NOS1AP: variants seen among roughly 807,000 people sequenced by gnomAD.
NOS1AP encodes the protein nitric oxide synthase 1 adaptor protein.
In NOS1AP, 21 loss-of-function variants were observed where a neutral mutation model predicts 56.2. The observed-to-expected ratio is 0.37, with a 90% CI of 0.26 to 0.54. NOS1AP has a LOEUF of 0.54. Among genes scored for constraint, NOS1AP ranks in the 20% least tolerant of loss-of-function variants. The pLI is 0.84. For missense variants in NOS1AP, 522 were observed against 657.8 expected, an observed-to-expected ratio of 0.79 and a Z score of 2.26; for synonymous variants, 270 against 274.6, an observed-to-expected ratio of 0.98 and a Z score of 0.17.
chr1:162,317,613 G>A (rs529176184), intron 4 of NOS1AP: 2 of 152,246 alleles, frequency 1.3e-5, no homozygotes, highest in South Asian at 4.2e-4. Flanking sequence ...ATGTAGTATT[G>A]GCTAGGCCTC....
intron 1 of NOS1AP, among the ~76,000 whole-genome samples, chr1:162,141,663 T>A (rs1649239935): frequency 6.6e-6 from 1 of 152,248 alleles, no homozygotes; most frequent in Non-Finnish European, 1.5e-5. Context: ...GTGGCTTTTC[T>A]TGCTCTCTTT....
At chr1:162,166,470 G>A (rs1650503572) in intron 2 of NOS1AP, among the ~76,000 whole-genome samples, 1 of 152,200 alleles carries the variant, frequency 6.6e-6, no homozygotes, top group South Asian at 2.1e-4. Flanking sequence ...CATTGCGGCT[G>A]AAGCCTGTCT....
At chr1:162,129,636 G>A (rs1013194723) in intron 1 of NOS1AP, among the ~76,000 whole-genome samples, 22 of 152,164 alleles carry the variant, frequency 1.4e-4, no homozygotes, top group Admixed American at 9.8e-4. Context: ...AGCTCCTTGA[G>A]TTATTGATTC....
intron 1 of NOS1AP, among the ~76,000 whole-genome samples, chr1:162,130,322 C>T (rs16856782): frequency 0.24 from 36,357 of 152,156 alleles, 8,206 homozygotes; most frequent in African/African-American, 0.6. Context: ...CAGGTCTTTC[C>T]GACATTAGAG....
chr1:162,210,090 G>A (rs1390862205), intron 2 of NOS1AP, among the ~76,000 whole-genome samples: 1 of 152,190 alleles, frequency 6.6e-6, no homozygotes, highest in Non-Finnish European at 1.5e-5. Context: ...AGAAGGAAGA[G>A]AGATGGGCAT....
At chr1:162,366,091 T>C (rs1044610662) in intron 9 of NOS1AP, among the ~76,000 whole-genome samples, 1 of 152,218 alleles carries the variant, frequency 6.6e-6, no homozygotes, top group Non-Finnish European at 1.5e-5. Flanking sequence ...ACTGCTCTGC[T>C]GGGCAATAGC....
chr1:162,156,200 C>G (rs1218439258), intron 2 of NOS1AP, among the ~76,000 whole-genome samples: 2 of 152,146 alleles, frequency 1.3e-5, no homozygotes, highest in Non-Finnish European at 2.9e-5. Flanking sequence ...TTTTCATGGA[C>G]ACAGTAAGAA....
chr1:162,298,773 A>G (rs1655550656), intron 3 of NOS1AP, among the ~76,000 whole-genome samples: 1 of 152,266 alleles, frequency 6.6e-6, no homozygotes, highest in Non-Finnish European at 1.5e-5. Context: ...TGAGAGAGCC[A>G]TCACAACAAT....
At chr1:162,212,997 C>T (rs1039878908) in intron 2 of NOS1AP, among the ~76,000 whole-genome samples, 2 of 152,138 alleles carry the variant, frequency 1.3e-5, no homozygotes, top group African/African-American at 2.4e-5. Flanking sequence ...CCCAGGGTAA[C>T]CATTTCTGAC....
rs141668480 is a variant in NOS1AP, at chr1:162,357,053, C to T, written c.856C>T (p.Pro286Ser). 5.7e-5 allele frequency: 92 copies of T among 1,613,390 alleles called. No individual in the cohort carries two copies. The highest frequency in any genetic ancestry group is 7.5e-5 in the Non-Finnish European group (88 of 1,180,038). ...GCCTCCAGGCCTGGGCACAGAGACA[C>T]CGCTGTCCACTCACCACCAGATGCA... is the stretch of plus-strand genomic sequence containing the variant. The part of the protein sequence containing the change: ...SKPPGLGTET[P>S]LSTHHQMQLL... Residue 286 changes from proline (P) to serine (S), a missense_variant, in exon 8 of 10, where the codon CCG (proline) becomes TCG (serine). Coordinates refer to ENST00000361897, the MANE Select transcript of NOS1AP (RefSeq NM_014697.3).
At chr1:162,313,547 T>A (rs1656121096) in intron 4 of NOS1AP, among the ~76,000 whole-genome samples, 1 of 152,092 alleles carries the variant, frequency 6.6e-6, no homozygotes, top group Non-Finnish European at 1.5e-5. Context: ...AAAGTGAAAG[T>A]GATATTTTAG....
chr1:162,122,709 T>C (rs983045991), intron 1 of NOS1AP, among the ~76,000 whole-genome samples: 4 of 152,146 alleles, frequency 2.6e-5, no homozygotes, highest in Non-Finnish European at 4.4e-5. Context: ...GGTTTCACCA[T>C]GTTGCCCCAG....
chr1:162,137,908 G>A (rs1285829671), intron 1 of NOS1AP, among the ~76,000 whole-genome samples: 1 of 152,078 alleles, frequency 6.6e-6, no homozygotes, highest in Non-Finnish European at 1.5e-5. Flanking sequence ...GCGGTGATTG[G>A]CTTGGAGTGT....
At chr1:162,096,158 G>A (rs1469736027) in intron 1 of NOS1AP, among the ~76,000 whole-genome samples, 2 of 152,184 alleles carry the variant, frequency 1.3e-5, no homozygotes, top group Non-Finnish European at 2.9e-5. Flanking sequence ...CATCTCCTAA[G>A]TATAGGCTCT....
rs563893114 is a variant in NOS1AP, at chr1:162,367,949, T to A, written c.*482T>A. Reference sequence around the variant, plus strand: ...CGAGTTGCCTAACCCTCCCCCTACCTTTATGAGAGGAATTCCTTCTCCAGG... The same window carrying A: ...CGAGTTGCCTAACCCTCCCCCTACCATTATGAGAGGAATTCCTTCTCCAGG... On this transcript the variant is annotated 3_prime_UTR_variant, in exon 10 of 10. Coordinates refer to ENST00000361897, the MANE Select transcript of NOS1AP (RefSeq NM_014697.3). This position sits in a 1 kb window ranked among gnomAD's most constrained non-coding sequence, Gnocchi z 6.5. 6.2e-6 allele frequency: 1 copy of A among 162,336 alleles called. No homozygotes were observed. Among genetic ancestry groups the A allele is most frequent in the Admixed American group, 5.9e-5 (1 of 17,078 alleles). 10.1% of individuals were successfully genotyped at this position (162,336 alleles called of 1,614,324 possible).
intron 2 of NOS1AP, among the ~76,000 whole-genome samples, chr1:162,175,736 T>G (rs1165976848): frequency 6.6e-6 from 1 of 152,186 alleles, no homozygotes; most frequent in Non-Finnish European, 1.5e-5. Context: ...TACCCATGAA[T>G]ATTTCTATAT....
chr1:162,125,044 G>A (rs921197639), intron 1 of NOS1AP, among the ~76,000 whole-genome samples: 1 of 151,640 alleles, frequency 6.6e-6, no homozygotes, highest in Non-Finnish European at 1.5e-5. Flanking sequence ...GTTTTCCATA[G>A]AGGTTGTACT....
chr1:162,143,931 G>A (rs1350186269), intron 1 of NOS1AP, among the ~76,000 whole-genome samples: 2 of 152,208 alleles, frequency 1.3e-5, no homozygotes, highest in Non-Finnish European at 2.9e-5. Flanking sequence ...TGAAGAATAA[G>A]GGATCTCTCT....
chr1:162,105,950 C>G (rs760221412), intron 1 of NOS1AP, among the ~76,000 whole-genome samples: 2 of 152,194 alleles, frequency 1.3e-5, no homozygotes, highest in Non-Finnish European at 2.9e-5. Flanking sequence ...TGACTCAGCC[C>G]CCTTCCTAGG....
Sources: allele counts gnomAD v4.1 joint callset (sites outside exome capture counted in the v4.1 genomes callset), GRCh38; gene constraint gnomAD v4.1.1; non-coding constraint Gnocchi (gnomAD v3.1); transcripts MANE v1.5; gene names NCBI Gene and HGNC (gene_info 2026-07-23, HGNC 2026-07-21).